PRAMEF25: variants seen among roughly 807,000 people sequenced by gnomAD.
PRAMEF25 encodes the protein PRAME family member 25, also known as putative PRAME family member 25.
intron 3 of PRAMEF25, chr1:13,076,511 T>G (rs201084802): frequency 6.0e-5 from 8 of 133,928 alleles, no homozygotes; most frequent in African/African-American, 1.1e-4. Context: ...TTTTCTCCTT[T>G]TTTTTTTTTA....
intron 1 of PRAMEF25, chr1:13,071,553 G>C (rs1465669809): frequency 1.3e-5 from 1 of 79,126 alleles, no homozygotes; most frequent in African/African-American, 5.7e-5. Context: ...ACTGGTGCTC[G>C]GCCTCTACTT....
At chr1:13,076,207 A>C (rs2100260899) in intron 3 of PRAMEF25, 1 of 5,968 alleles carries the variant, frequency 1.7e-4, no homozygotes, top group East Asian at 2.8e-3. Context: ...TTACCTAGGA[A>C]ATGTATGATT....
chr1:13,071,063 C>T (rs1248838439), intron 1 of PRAMEF25, 156 bp downstream of exon 1: 11 of 139,346 alleles, frequency 7.9e-5, no homozygotes, highest in African/African-American at 2.7e-4. Context: ...CCTCTAAATA[C>T]AGTTCTGTCT....
At chr1:13,071,026 T>C (rs1477935099) in intron 1 of PRAMEF25, 119 bp downstream of exon 1, 1 of 131,754 alleles carries the variant, frequency 7.6e-6, no homozygotes, top group African/African-American at 2.5e-5. Context: ...TTTTTTCATA[T>C]GAACAATTTG....
rs1436976740 is a variant in PRAMEF25 at position 13,071,038 on chromosome 1, A to G, written c.-17+131A>G. On this transcript the variant is annotated intron_variant, in intron 1 of 3. Coordinates refer to ENST00000619661, the Ensembl canonical transcript of PRAMEF25. ...TTTTTTTTTCATATGAACAATTTGAAGCTTTGAATGTTTTCCTCTAAATAC... is the reference window on the plus strand; with the variant it reads ...TTTTTTTTTCATATGAACAATTTGAGGCTTTGAATGTTTTCCTCTAAATAC... 1.3e-3 allele frequency: 180 copies of G among 135,472 alleles called. 1 individual carries two copies. Among genetic ancestry groups the G allele is most frequent in the African/African-American group, 4.0e-3 (164 of 40,564 alleles). 8.4% of individuals were successfully genotyped at this position (135,472 alleles called of 1,614,324 possible).
chr1:13,071,073 T>G (rs1405618000), intron 1 of PRAMEF25, 166 bp downstream of exon 1: 1 of 139,894 alleles, frequency 7.1e-6, no homozygotes, highest in African/African-American at 2.5e-5. Flanking sequence ...CAGTTCTGTC[T>G]TTATTTCAAA....
chr1:13,071,712 A>G (rs1642352664), intron 1 of PRAMEF25: 1 of 28,180 alleles, frequency 3.5e-5, no homozygotes, highest in African/African-American at 2.2e-4. Context: ...TGGGCAAAAG[A>G]GAGAGACCCT....
rs1412075294 is a variant in PRAMEF25 at position 13,071,035 on chromosome 1, T to G, written c.-17+128T>G. ...CTTTTTTTTTTTCATATGAACAATT[T>G]GAAGCTTTGAATGTTTTCCTCTAAA... On this transcript the variant is annotated intron_variant, in intron 1 of 3. Coordinates refer to ENST00000619661, the Ensembl canonical transcript of PRAMEF25. 183 of 134,702 alleles carry G rather than the reference T, an allele frequency of 1.4e-3. 1 individual carries two copies. The highest frequency in any genetic ancestry group is 4.1e-3 in the African/African-American group (166 of 40,536). The allele number at this position is 134,702 out of a possible 1,614,324, so 8.3% of individuals were successfully genotyped here. A position where few individuals can be genotyped will look rare whatever the true frequency, so the allele number is the denominator to read the frequency against.
At chr1:13,076,461 T>C (rs535757448) in intron 3 of PRAMEF25, 1 of 96,792 alleles carries the variant, frequency 1.0e-5, no homozygotes, top group South Asian at 2.6e-4. Context: ...TCCATTCCTA[T>C]AAATGATGGT....
At chr1:13,071,623 G>A (rs1245349039) in intron 1 of PRAMEF25, 1 of 55,098 alleles carries the variant, frequency 1.8e-5, no homozygotes, top group Non-Finnish European at 3.1e-5. Flanking sequence ...TATTTGGGTG[G>A]CTGGTGTGGG....
intron 1 of PRAMEF25, chr1:13,071,514 C>G: frequency 1.1e-5 from 1 of 93,774 alleles, no homozygotes. Flanking sequence ...CCTTGGCCTC[C>G]CAAAATGCTG....
In PRAMEF25 at chr1:13,071,540, G is replaced by A. The variant is rs1462654159; in HGVS notation, c.-17+633G>A. 3 of 92,786 alleles carry A rather than the reference G, an allele frequency of 3.2e-5. 1 individual carries two copies. The highest frequency in any genetic ancestry group is 6.5e-5 in the Non-Finnish European group (3 of 46,058). The allele number at this position is 92,786 out of a possible 1,614,324, so 5.7% of individuals were successfully genotyped here. A position where few individuals can be genotyped will look rare whatever the true frequency, so the allele number is the denominator to read the frequency against. ...CAAAATGCTGGGATTAGAGCCATGA[G>A]CCACTGGTGCTCGGCCTCTACTTTT... On this transcript the variant is annotated intron_variant, in intron 1 of 3. Transcript: ENST00000619661.
At chr1:13,071,071 T>C (rs1642343497) in intron 1 of PRAMEF25, 164 bp downstream of exon 1, 1 of 139,866 alleles carries the variant, frequency 7.1e-6, no homozygotes, top group Non-Finnish European at 1.6e-5. Flanking sequence ...TACAGTTCTG[T>C]CTTTATTTCA....
intron 1 of PRAMEF25, chr1:13,071,581 T>C (rs1387279467): frequency 3.2e-5 from 2 of 62,170 alleles, no homozygotes; most frequent in African/African-American, 2.0e-4. Context: ...TTTAATTAGC[T>C]AGGCATGGTG....
chr1:13,071,552 C>T (rs1247625058), intron 1 of PRAMEF25: 4 of 81,582 alleles, frequency 4.9e-5, no homozygotes, highest in African/African-American at 2.1e-4. Flanking sequence ...CACTGGTGCT[C>T]GGCCTCTACT....
intron 1 of PRAMEF25, chr1:13,071,231 A>G (rs1188738301): frequency 4.5e-5 from 3 of 66,068 alleles, no homozygotes; most frequent in Admixed American, 2.0e-4. Flanking sequence ...CATGACAAAA[A>G]CCCTCCTCTA....
chr1:13,071,101 G>C (rs1229111061), intron 1 of PRAMEF25, 194 bp downstream of exon 1: 1 of 137,544 alleles, frequency 7.3e-6, no homozygotes, highest in Non-Finnish European at 1.6e-5. Context: ...ATTGTGCTTT[G>C]GTTTAGGTCA....
chr1:13,070,853 T>C (rs1312846892), exon 1 of PRAMEF25: 3 of 124,114 alleles, frequency 2.4e-5, no homozygotes, highest in Non-Finnish European at 3.6e-5. Context: ...AAGCCTGGAG[T>C]TCCTGCCTGG....
chr1:13,076,296 G>A (rs1247023131), intron 3 of PRAMEF25: 2 of 17,226 alleles, frequency 1.2e-4, no homozygotes, highest in Non-Finnish European at 1.8e-4. Flanking sequence ...GGCGTGTCAG[G>A]GACGCCTGCA....
Sources: gnomAD v4.1 joint callset for allele counts on GRCh38, gnomAD v4.1.1 for gene constraint, MANE v1.5 for transcripts, NCBI Gene and HGNC (gene_info 2026-07-23, HGNC 2026-07-21) for gene names.